The following FANCB variants were observed in gnomAD, a reference collection of about 807,000 sequenced individuals.
FANCB encodes Fanconi anemia group B protein.
In FANCB, 5 loss-of-function variants were observed where a neutral mutation model predicts 38.9. The ratio of observed to expected loss-of-function variants is 0.13; its 90% CI spans 0.07 to 0.27. FANCB has a LOEUF of 0.27. FANCB is among the 10% of genes least tolerant of loss of function. The probability of loss-of-function intolerance (pLI) is 1.00; values close to 1 mark genes in which losing one functional copy is unlikely to be tolerated. For synonymous variants in FANCB, 236 were observed against 215.4 expected (o/e 1.10, Z -0.84); for missense variants, 573 against 602.7 (o/e 0.95, Z 0.52).
chrX:14,823,625 A>G, the FANCB span, among the ~76,000 whole-genome samples: 1 of 111,424 alleles, frequency 9.0e-6, no homozygotes, highest in African/African-American at 3.3e-5. Flanking sequence ...CTTTTCAACT[A>G]ATTATATTTT....
downstream of FANCB, among the ~76,000 whole-genome samples, chrX:14,838,459 T>C (rs2092346508): frequency 9.0e-6 from 1 of 111,606 alleles, no homozygotes; most frequent in Admixed American, 9.5e-5. Flanking sequence ...AAGAACACAT[T>C]TGGTCCTGGT....
At chrX:14,790,190 C>T in the FANCB span, among the ~76,000 whole-genome samples, 4 of 112,013 alleles carry the variant, frequency 3.6e-5, no homozygotes, top group Non-Finnish European at 7.5e-5. Flanking sequence ...CTATGAAAGA[C>T]ATAACCCCAT....
At chrX:14,759,382 T>C in the FANCB span, among the ~76,000 whole-genome samples, 1 of 111,277 alleles carries the variant, frequency 9.0e-6, no homozygotes. Flanking sequence ...ACCTGGGAAA[T>C]GTATCGCAAG....
chrX:14,859,158 A>G, intron 4 of FANCB, 24 bp downstream of exon 4: 1 of 1,071,026 alleles, frequency 9.3e-7, no homozygotes, highest in East Asian at 3.0e-5. Flanking sequence ...TTAAAATACC[A>G]TATAATAAGT....
chrX:14,696,783 G>T, the FANCB span, among the ~76,000 whole-genome samples: 1 of 112,109 alleles, frequency 8.9e-6, no homozygotes, highest in Non-Finnish European at 1.9e-5. Context: ...ATTAAAAGAT[G>T]TTTTAGAGAT....
the FANCB span, among the ~76,000 whole-genome samples, chrX:14,761,495 C>T: frequency 1.8e-5 from 2 of 110,180 alleles, no homozygotes; most frequent in Non-Finnish European, 3.8e-5. Flanking sequence ...ACAGAAGGTA[C>T]AGCATTTCAT....
the FANCB span, among the ~76,000 whole-genome samples, chrX:14,818,516 T>C: frequency 9.1e-6 from 1 of 109,827 alleles, no homozygotes; most frequent in East Asian, 2.9e-4. Context: ...CTTATGAAGA[T>C]TGGGGGGGAT....
At chrX:14,753,450 T>C in the FANCB span, among the ~76,000 whole-genome samples, 1 of 112,666 alleles carries the variant, frequency 8.9e-6, no homozygotes, top group African/African-American at 3.2e-5. Flanking sequence ...CCCAAAAGTC[T>C]GTGGCTTAAA....
At chrX:14,728,394 AAAT>A in the FANCB span, among the ~76,000 whole-genome samples, 3 of 111,311 alleles carry the variant, frequency 2.7e-5, no homozygotes, top group Admixed American at 2.9e-4. Flanking sequence ...CTGTCTCAAA[AAAT>A]AATAATAATA....
the FANCB span, among the ~76,000 whole-genome samples, chrX:14,736,530 G>A: frequency 2.7e-5 from 3 of 111,420 alleles, no homozygotes; most frequent in African/African-American, 9.8e-5. Context: ...GTGAGGCAAC[G>A]CCCCACCCTG....
chrX:14,768,612 A>G, the FANCB span, among the ~76,000 whole-genome samples: 1 of 111,933 alleles, frequency 8.9e-6, no homozygotes, highest in African/African-American at 3.2e-5. Context: ...GCAAATAAAG[A>G]TAATTTGACT....
chrX:14,730,891 T>C, the FANCB span: 26 of 97,820 alleles, frequency 2.7e-4, no homozygotes, highest in African/African-American at 1.1e-3. Flanking sequence ...AAGTTAGCTA[T>C]ACACACACAC....
intron 6 of FANCB, 56 bp from the exon 7 acceptor site, chrX:14,850,730 CT>C: frequency 2.8e-6 from 2 of 705,910 alleles, no homozygotes. Context: ...TGTAGCAAAA[CT>C]AAAAAAAAAA....
chrX:14,832,491 G>A (rs1203819569), downstream of FANCB, among the ~76,000 whole-genome samples: 1 of 111,238 alleles, frequency 9.0e-6, no homozygotes, highest in Admixed American at 9.6e-5. Context: ...CTTTTTGGGG[G>A]GACATAATTC....
At chrX:14,820,620 T>G in the FANCB span, among the ~76,000 whole-genome samples, 4 of 111,995 alleles carry the variant, frequency 3.6e-5, no homozygotes, top group Middle Eastern at 4.2e-3. Flanking sequence ...TCTGACTTAC[T>G]AAATGCAGAG....
At chrX:14,835,149 G>A, downstream of FANCB, 2 of 535,743 alleles carry the variant, frequency 3.7e-6, no homozygotes, top group South Asian at 4.5e-5. Context: ...CTTCAACAAT[G>A]TGCAGTTCAT....
the FANCB span, among the ~76,000 whole-genome samples, chrX:14,715,495 G>T: frequency 8.9e-6 from 1 of 111,752 alleles, no homozygotes; most frequent in South Asian, 3.7e-4. Flanking sequence ...CCCTGCACTT[G>T]AAAGTTACAT....
At chrX:14,819,250 G>A in the FANCB span, among the ~76,000 whole-genome samples, 1 of 111,499 alleles carries the variant, frequency 9.0e-6, no homozygotes, top group African/African-American at 3.3e-5. Flanking sequence ...AATGCACAGA[G>A]GTAGACTCTG....
downstream of FANCB, among the ~76,000 whole-genome samples, chrX:14,840,065 G>A (rs1247797170): frequency 9.0e-6 from 1 of 111,690 alleles, no homozygotes; most frequent in Non-Finnish European, 1.9e-5. Flanking sequence ...ATGTTGGCCA[G>A]GCTGGTCTCG....
Sources: gnomAD v4.1 joint callset for allele counts (sites outside exome capture counted in the v4.1 genomes callset) on GRCh38, gnomAD v4.1.1 for gene constraint, MANE v1.5 for transcripts, NCBI Gene and HGNC (gene_info 2026-07-23, HGNC 2026-07-21) for gene names.